Variants in PTGER3 observed in about 807,000 individuals in gnomAD.
PTGER3 encodes the protein prostaglandin E2 receptor EP3 subtype.
In PTGER3, 22 loss-of-function variants were observed where a neutral mutation model predicts 34.7. The observed-to-expected ratio is 0.63, with a 90% confidence interval of 0.45 to 0.91. The LOEUF (loss-of-function observed/expected upper bound fraction) is 0.91. PTGER3 is among the 40% of genes least tolerant of loss of function. PTGER3 has a pLI of 0.00. For synonymous variants in PTGER3, 241 were observed against 230.1 expected (o/e 1.05, Z -0.43); for missense variants, 468 against 519.4 (o/e 0.90, Z 0.96).
intron 2 of PTGER3, among the ~76,000 whole-genome samples, chr1:70,984,144 T>A (rs1043446361): frequency 6.6e-6 from 1 of 152,106 alleles, no homozygotes; most frequent in Admixed American, 6.5e-5. Flanking sequence ...CCCAGCACCT[T>A]TGGAGGCCAA....
In PTGER3 at chr1:71,046,713, A is replaced by T. The variant is rs1352894073; in HGVS notation, c.865T>A (p.Cys289Ser). 3 of 1,594,178 alleles carry T rather than the reference A, an allele frequency of 1.9e-6. No individual in the cohort carries two copies. In the Admixed American group the frequency reaches 5.2e-5, roughly 28 times the overall value. Residue 289 changes from cysteine to serine, a missense_variant, in exon 1 of 4, where the codon TGC (cysteine) becomes AGC (serine). Physicochemically the swap from Cys to Ser is moderately radical, Grantham distance 112. This residue lies in a region of PTGER3 where 204 missense variants were observed against 230.8 expected (regional missense o/e 0.88). Transcript: ENST00000306666. Reference protein sequence around the residue: ...ETAIQLMGIMCVLSVCWSPLL... With the variant: ...ETAIQLMGIMSVLSVCWSPLL... ...GGAGACCAGCAGACCGACAGCACGC[A>T]CATGATCCCCATAAGCTGAATGGCC...
chr1:70,966,892 T>C (rs1302544424), downstream of PTGER3, among the ~76,000 whole-genome samples: 1 of 152,154 alleles, frequency 6.6e-6, no homozygotes, highest in Admixed American at 6.5e-5. Context: ...CTATTTTAAA[T>C]AGTGCTGCAA....
rs112878350 is a variant in PTGER3 at position 70,974,278 on chromosome 1, G to A, written c.1169+19C>T. Reference sequence around the variant, plus strand: ...GGGGGAAGGCTATGCTATAAATCCCGGCAGTTTCTAAATCTCACCTTTCCA... The same window carrying A: ...GGGGGAAGGCTATGCTATAAATCCCAGCAGTTTCTAAATCTCACCTTTCCA... On this transcript the variant is annotated intron_variant, in intron 3 of 3. Coordinates refer to ENST00000306666, the MANE Select transcript of PTGER3 (RefSeq NM_198719.2). 113 of 1,612,124 alleles carry A rather than the reference G, an allele frequency of 7.0e-5. No homozygotes were observed. Among genetic ancestry groups the A allele is most frequent in the African/African-American group, 5.7e-4 (43 of 74,794 alleles).
chr1:70,885,924 C>T (rs943999683), intron 4 of PTGER3, among the ~76,000 whole-genome samples: 1 of 152,058 alleles, frequency 6.6e-6, no homozygotes, highest in Non-Finnish European at 1.5e-5. Context: ...ATAATACTGT[C>T]CTTTTGTGAC....
chr1:71,008,670 T>C (rs1297888225), intron 2 of PTGER3: 3 of 982,162 alleles, frequency 3.1e-6, no homozygotes, highest in Non-Finnish European at 3.6e-6. Flanking sequence ...AAAAGTCTTA[T>C]GGACTAGGCC....
chr1:70,989,359 C>T (rs1415620876), intron 2 of PTGER3, among the ~76,000 whole-genome samples: 3 of 152,122 alleles, frequency 2.0e-5, no homozygotes, highest in Non-Finnish European at 4.4e-5. Flanking sequence ...CATTTTGGTG[C>T]TCACTTATGT....
At chr1:71,040,116 GA>G (rs540790551) in intron 1 of PTGER3, among the ~76,000 whole-genome samples, 15 of 119,038 alleles carry the variant, frequency 1.3e-4, no homozygotes, top group East Asian at 7.1e-4. Flanking sequence ...AAGAAAGAAA[GA>G]AAAAAAAGAA....
At chr1:70,993,715 T>C (rs1050254350) in intron 2 of PTGER3, among the ~76,000 whole-genome samples, 1 of 152,160 alleles carries the variant, frequency 6.6e-6, no homozygotes, top group Non-Finnish European at 1.5e-5. Context: ...GCATCCCCAC[T>C]GTGGTTAAGT....
At chr1:70,934,949 T>C (rs1411635888) in intron 4 of PTGER3, among the ~76,000 whole-genome samples, 1 of 152,178 alleles carries the variant, frequency 6.6e-6, no homozygotes, top group African/African-American at 2.4e-5. Flanking sequence ...TTCTAAACTT[T>C]CCCTTTTGGC....
In PTGER3 at chr1:70,913,307, G is replaced by A. The variant is rs974317251; in HGVS notation, c.*23+40456C>T. Among the ~76,000 whole-genome samples, 13 of 152,004 alleles carry A rather than the reference G, an allele frequency of 8.6e-5. No homozygotes were observed. The Middle Eastern group carries it at 0.01, about 119-fold the overall frequency. On this transcript the variant is annotated intron_variant, in intron 4 of 4. Coordinates refer to the PTGER3 transcript ENST00000370931. ...CTAAATTTTTAGTAGTTCATTGCTA[G>A]TATACAGAAATGAAATTGACTTGTA... is the stretch of plus-strand genomic sequence containing the variant.
At chr1:70,891,518 C>T (rs1050249593) in intron 4 of PTGER3, among the ~76,000 whole-genome samples, 10 of 151,038 alleles carry the variant, frequency 6.6e-5, no homozygotes, top group South Asian at 4.2e-4. Flanking sequence ...AAAAGTCTAT[C>T]TTAAGAAAAA....
chr1:71,001,276 G>A (rs1432799764), intron 2 of PTGER3, among the ~76,000 whole-genome samples: 1 of 152,148 alleles, frequency 6.6e-6, no homozygotes, highest in African/African-American at 2.4e-5. Context: ...AAGCACAAGT[G>A]TATAAAAATC....
intron 1 of PTGER3, among the ~76,000 whole-genome samples, chr1:71,032,613 T>C (rs1305596721): frequency 1.3e-5 from 2 of 152,202 alleles, no homozygotes; most frequent in Admixed American, 6.5e-5. Context: ...TTCTGATACA[T>C]AGCAAGAAGC....
chr1:71,009,746 C>T (rs1657280097), intron 2 of PTGER3: 1 of 985,068 alleles, frequency 1.0e-6, no homozygotes, highest in African/African-American at 1.7e-5. Flanking sequence ...TCTATACATG[C>T]ATTTTTCCTG....
At chr1:70,952,957 C>A in exon 4 of PTGER3, 1 of 1,613,120 alleles carries the variant, frequency 6.2e-7, no homozygotes, top group Non-Finnish European at 8.5e-7. Context: ...ATGCTGCTCA[C>A]GAGTACCTCC....
At chr1:70,872,147 C>G (rs1283365382) in intron 4 of PTGER3, among the ~76,000 whole-genome samples, 1 of 152,092 alleles carries the variant, frequency 6.6e-6, no homozygotes, top group African/African-American at 2.4e-5. Context: ...TTTTTCTTTC[C>G]CATGAGTTTG....
chr1:70,878,039 A>G lies in PTGER3; in HGVS notation c.*24-25180T>C, dbSNP rs539289128. On this transcript the variant is annotated intron_variant, in intron 4 of 4. Coordinates refer to the PTGER3 transcript ENST00000370931. ...AGAATTGGTACCAGTTCTTCATTACAAACCTATGGATGTCATAGGTTTGTA... is the reference window on the plus strand; with the variant it reads ...AGAATTGGTACCAGTTCTTCATTACGAACCTATGGATGTCATAGGTTTGTA... 3.6e-3 allele frequency among the ~76,000 whole-genome samples: 541 copies of G among 152,216 alleles called. 4 individuals carry two copies. Among genetic ancestry groups the G allele is most frequent in the African/African-American group, 0.013 (520 of 41,532 alleles).
chr1:70,919,321 G>C (rs1331169552), intron 4 of PTGER3, among the ~76,000 whole-genome samples: 3 of 152,192 alleles, frequency 2.0e-5, no homozygotes, highest in Admixed American at 1.3e-4. Context: ...TTTAGATGGA[G>C]GTGTTTTGGA....
chr1:70,882,538 G>A (rs1198292791), intron 4 of PTGER3, among the ~76,000 whole-genome samples: 1 of 152,216 alleles, frequency 6.6e-6, no homozygotes, highest in Non-Finnish European at 1.5e-5. Flanking sequence ...TGCAAATGTG[G>A]CCTCTATTGG....
Sources: gnomAD v4.1 joint callset for allele counts (sites outside exome capture counted in the v4.1 genomes callset) on GRCh38, gnomAD v4.1.1 for gene constraint, gnomAD v4.1.1 regional missense constraint, MANE v1.5 for transcripts, NCBI Gene and HGNC (gene_info 2026-07-23, HGNC 2026-07-21) for gene names.